The following SPG11 variants were observed in gnomAD, a reference collection of about 807,000 sequenced individuals.
SPG11 encodes the protein spatacsin.
A neutral mutation model predicts 274.0 loss-of-function variants in SPG11; 222 were observed. The observed-to-expected ratio is 0.81, with a 90% confidence interval of 0.73 to 0.91. The LOEUF (loss-of-function observed/expected upper bound fraction) is 0.91, where lower values mean the gene tolerates loss of function less well. SPG11 is among the 40% of genes least tolerant of loss of function. The probability of loss-of-function intolerance (pLI) is 0.00; values close to 1 mark genes in which losing one functional copy is unlikely to be tolerated. For synonymous variants in SPG11, 1,144 were observed against 1,039.7 expected, an observed-to-expected ratio of 1.10 and a Z score of -1.93; for missense variants, 3,114 against 2,872.7, an observed-to-expected ratio of 1.08 and a Z score of -1.92.
At position 44,563,286 on chromosome 15, in the gene SPG11, C is replaced by CTGA. The variant is rs1567123451; in HGVS notation, c.7164_7166dup (p.His2388dup). ...GGTTTTCCATGACCATGTCAGTAGG[C>CTGA]TGATGTTGTTTATATCTAGATAAAG... On this transcript the variant is annotated inframe_insertion, in exon 40 of 40. Coordinates refer to ENST00000261866, the MANE Select transcript of SPG11 (RefSeq NM_025137.4). The CTGA allele has an allele frequency of 5.0e-6, 8 of 1,613,416 alleles. No individual in the cohort carries two copies. The highest frequency in any genetic ancestry group is 6.8e-6 in the Non-Finnish European group (8 of 1,179,456).
At chr15:44,606,137 T>C (rs2083312890) in intron 19 of SPG11, 46 bp from the exon 20 acceptor site, 1 of 1,552,256 alleles carries the variant, frequency 6.4e-7, no homozygotes, top group Non-Finnish European at 8.9e-7. Flanking sequence ...TCACTGATTA[T>C]AAAATAGGTA....
intron 21 of SPG11, 153 bp downstream of exon 21, chr15:44,600,314 C>T: frequency 1.3e-6 from 1 of 752,388 alleles, no homozygotes; most frequent in East Asian, 2.6e-5. Flanking sequence ...AGTGGCAGAG[C>T]CTCACTGTCA....
At chr15:44,652,094 GAAC>G in intron 5 of SPG11, 32 bp downstream of exon 5, 1 of 1,612,918 alleles carries the variant, frequency 6.2e-7, no homozygotes, top group African/African-American at 1.3e-5. Flanking sequence ...TAAAAAATAA[GAAC>G]AATAAACTAC....
rs1451525057 is a variant in SPG11 at position 44,660,533 on chromosome 15, A to C, written c.341T>G (p.Leu114Arg). 1 of 1,614,078 alleles carries C rather than the reference A, an allele frequency of 6.2e-7. No homozygotes were observed. The highest frequency in any genetic ancestry group is 8.5e-7 in the Non-Finnish European group (1 of 1,180,022). Residue 114 changes from leucine to arginine, a missense_variant, in exon 2 of 40, where the codon CTT becomes CGT. Leu to Arg is a moderately radical substitution (Grantham distance 102). Transcript: ENST00000261866. Reference sequence around the variant, plus strand: ...ATCTTTCAAATTAAATTCATAGATAAGCAGTTCATAATTTTCACCAAGAGC... The same window carrying C: ...ATCTTTCAAATTAAATTCATAGATACGCAGTTCATAATTTTCACCAAGAGC... Reference protein sequence around the residue: ...LLALGENYELLIYEFNLKDGR... With the variant: ...LLALGENYELRIYEFNLKDGR...
At chr15:44,569,290 T>C (rs939576882) in intron 35 of SPG11, 108 bp downstream of exon 35, 65 of 843,346 alleles carry the variant, frequency 7.7e-5, no homozygotes, top group East Asian at 3.2e-4. Flanking sequence ...ATTCCTTCCC[T>C]CCATTTTCCC....
At chr15:44,596,660 CAAAAAAAAAAA>C (rs5812279) in intron 24 of SPG11, 113 bp downstream of exon 24, 115 of 271,322 alleles carry the variant, frequency 4.2e-4, no homozygotes, top group East Asian at 6.0e-4. Context: ...GTATCCTGGT[CAAAAAAAAAAA>C]AAAAAAAAAA....
Position 44,564,605 on chromosome 15 carries a change from C to CAG in SPG11, c.7092_7093insCT (p.Glu2365LeufsTer10). On this transcript the variant is annotated frameshift_variant, in exon 39 of 40. Transcript: ENST00000261866. LOFTEE classifies it high-confidence loss of function. ...AATAACCTTTGCTGCTTAAATTCTT[C>CAG]CAAGTAATTAAAGTCTCCTTTAAGA... 2 of 1,613,810 alleles carry CAG rather than the reference C, an allele frequency of 1.2e-6. No homozygotes were observed. Among genetic ancestry groups the CAG allele is most frequent in the Non-Finnish European group, 1.7e-6 (2 of 1,179,730 alleles).
intron 3 of SPG11, among the ~76,000 whole-genome samples, chr15:44,657,548 G>A (rs1214629980): frequency 6.6e-6 from 1 of 152,126 alleles, no homozygotes; most frequent in Non-Finnish European, 1.5e-5. Flanking sequence ...CAGAGGCACT[G>A]CTATTTTCCA....
chr15:44,660,520 A>G lies in SPG11; in HGVS notation c.354T>C (p.Phe118=), dbSNP rs1435339925. The change falls in exon 2 of 40, where the codon TTT becomes TTC. Residue 118 remains phenylalanine, a synonymous_variant. Transcript: ENST00000261866. ...CATCACATCTTCCATCTTTCAAATT[A>G]AATTCATAGATAAGCAGTTCATAAT... ...GENYELLIYE[F]NLKDGRCDAT... 6.2e-7 allele frequency: 1 copy of G among 1,614,170 alleles called. No individual in the cohort carries two copies. The highest frequency in any genetic ancestry group is 2.2e-5 in the East Asian group (1 of 44,882).
At chr15:44,657,345 C>G in intron 3 of SPG11, 49 bp from the exon 4 acceptor site, 1 of 1,543,292 alleles carries the variant, frequency 6.5e-7, no homozygotes, top group Non-Finnish European at 8.9e-7. Context: ...GTATGCCTAA[C>G]TATTTAAAGC....
At chr15:44,588,827 T>C (rs933900573) in intron 28 of SPG11, among the ~76,000 whole-genome samples, 1 of 152,190 alleles carries the variant, frequency 6.6e-6, no homozygotes, top group Admixed American at 6.6e-5. Flanking sequence ...CCATTTAATC[T>C]GTACTAAATA....
intron 19 of SPG11, among the ~76,000 whole-genome samples, chr15:44,608,095 C>T (rs925962360): frequency 2.6e-5 from 4 of 152,068 alleles, no homozygotes; most frequent in African/African-American, 9.7e-5. Flanking sequence ...GATATTCTCC[C>T]CCTTCATTTT....
intron 14 of SPG11, 117 bp downstream of exon 14, chr15:44,621,642 C>T: frequency 9.9e-7 from 1 of 1,013,814 alleles, no homozygotes; most frequent in African/African-American, 1.6e-5. Context: ...TTTAAAGAAC[C>T]TGAATATTAT....
Position 44,657,295 on chromosome 15 carries a change from G to A in SPG11, c.669C>T (p.Tyr223=). 2 of 1,613,966 alleles carry A rather than the reference G, an allele frequency of 1.2e-6. No individual in the cohort carries two copies. Among genetic ancestry groups the A allele is most frequent in the East Asian group, 4.5e-5 (2 of 44,896 alleles). ...ATGTACCATCCACAACATCAAAAATGTCTTTTAGTTAGAGTTAAAAGAAAA... is the reference window on the plus strand; with the variant it reads ...ATGTACCATCCACAACATCAAAAATATCTTTTAGTTAGAGTTAAAAGAAAA... ...LFVLSSLGWI[Y]IFDVVDGTYV... The change falls in exon 4 of 40, where the codon TAC becomes TAT. Residue 223 remains tyrosine, a splice_region_variant and synonymous_variant. Transcript: ENST00000261866.
intron 29 of SPG11, 50 bp from the exon 30 acceptor site, chr15:44,584,608 T>A: frequency 3.2e-6 from 5 of 1,586,900 alleles, no homozygotes; most frequent in African/African-American, 2.7e-5. Context: ...TAAAAAAGTA[T>A]CATAAATGCT....
intron 7 of SPG11, among the ~76,000 whole-genome samples, chr15:44,636,918 T>A: frequency 1.8e-5 from 1 of 56,506 alleles, no homozygotes. Context: ...AGAGCAAGAC[T>A]CCATCTCAAA....
At position 44,567,420 on chromosome 15, in the gene SPG11, T is replaced by C; in HGVS notation, c.6754+4A>G. 1 of 1,597,674 alleles carries C rather than the reference T, an allele frequency of 6.3e-7. No homozygotes were observed. ...TCTGGTAGTGTGGCTGTGACCTCAC[T>C]CACCCCAGGGCTGAGACTCAATCAA... is the stretch of plus-strand genomic sequence containing the variant. On this transcript the variant is annotated splice_donor_region_variant and intron_variant, in intron 36 of 39. Transcript: ENST00000261866.
intron 8 of SPG11, among the ~76,000 whole-genome samples, chr15:44,632,924 A>G (rs931090449): frequency 1.3e-5 from 2 of 152,168 alleles, no homozygotes; most frequent in Non-Finnish European, 2.9e-5. Context: ...TTGTGTATAA[A>G]ACTGTCTTGA....
In SPG11 at chr15:44,610,893, G is replaced by C. The variant is rs1232644781; in HGVS notation, c.3238C>G (p.His1080Asp). Reference sequence around the variant, plus strand: ...GTAGTAGCAAGGGCCAGGAGGGTATGTCCTTCCAATAGCATACTGCTTACA... The same window carrying C: ...GTAGTAGCAAGGGCCAGGAGGGTATCTCCTTCCAATAGCATACTGCTTACA... ...ASVSSMLLEG[H>D]TLLALATTMY... The change falls in exon 18 of 40, where the codon CAT becomes GAT. Residue 1080 changes from histidine (H) to aspartate (D), a missense_variant. By Grantham distance (81) the His-to-Asp change is moderately conservative (BLOSUM62 -1). Transcript: ENST00000261866. 6.2e-7 allele frequency: 1 copy of C among 1,613,930 alleles called. No individual in the cohort carries two copies. Among genetic ancestry groups the C allele is most frequent in the Non-Finnish European group, 8.5e-7 (1 of 1,179,924 alleles).
Sources: allele counts gnomAD v4.1 joint callset (sites outside exome capture counted in the v4.1 genomes callset), GRCh38; gene constraint gnomAD v4.1.1; transcripts MANE v1.5; gene names NCBI Gene and HGNC (gene_info 2026-07-23, HGNC 2026-07-21).